PLA2G4A: variants seen among roughly 807,000 people sequenced by gnomAD.
PLA2G4A encodes cytosolic phospholipase A2.
PLA2G4A carries 40 observed loss-of-function variants against 81.9 expected under a neutral mutation model. That is an observed-to-expected ratio of 0.49 (90% CI 0.38 to 0.64). The LOEUF (loss-of-function observed/expected upper bound fraction) is 0.64, where lower values mean the gene tolerates loss of function less well. Among genes scored for constraint, PLA2G4A ranks in the 30% least tolerant of loss-of-function variants. PLA2G4A has a pLI of 0.00. For missense variants in PLA2G4A, 715 were observed against 905.1 expected (o/e 0.79, Z 2.69); for synonymous variants, 302 against 296.9 (o/e 1.02, Z -0.18).
chr1:186,833,554 T>C (rs1163121600), intron 1 of PLA2G4A, among the ~76,000 whole-genome samples: 1 of 152,178 alleles, frequency 6.6e-6, no homozygotes, highest in Non-Finnish European at 1.5e-5. Flanking sequence ...TCTGGAGTTC[T>C]TTCCAAAGAA....
intron 8 of PLA2G4A, among the ~76,000 whole-genome samples, chr1:186,937,956 C>T (rs1474378859): frequency 6.6e-6 from 1 of 151,980 alleles, no homozygotes; most frequent in Admixed American, 6.6e-5. Context: ...TTAGTTTTCT[C>T]CCCTCGAAGG....
At chr1:186,941,156 G>T (rs993237517) in intron 10 of PLA2G4A, among the ~76,000 whole-genome samples, 9 of 151,690 alleles carry the variant, frequency 5.9e-5, no homozygotes, top group Non-Finnish European at 8.8e-5. Context: ...CTTTTGGGGG[G>T]GCCTCTGTCA....
At chr1:186,883,358 A>C (rs1197581792) in intron 3 of PLA2G4A, among the ~76,000 whole-genome samples, 3 of 152,104 alleles carry the variant, frequency 2.0e-5, no homozygotes, top group Non-Finnish European at 4.4e-5. Flanking sequence ...TGTAGCCTTG[A>C]GGATATGAAG....
At chr1:186,912,791 T>TAC (rs1655006774) in intron 7 of PLA2G4A, among the ~76,000 whole-genome samples, 1 of 130,488 alleles carries the variant, frequency 7.7e-6, no homozygotes, top group African/African-American at 3.4e-5. Flanking sequence ...TACTTATATA[T>TAC]ATATGTATAT....
At chr1:186,882,124 A>T (rs1166621546) in intron 3 of PLA2G4A, among the ~76,000 whole-genome samples, 1 of 152,146 alleles carries the variant, frequency 6.6e-6, no homozygotes, top group East Asian at 1.9e-4. Flanking sequence ...TTCACCTCTG[A>T]TGGAAATAAT....
chr1:186,895,450 A>G (rs921594407), intron 5 of PLA2G4A, among the ~76,000 whole-genome samples: 1 of 152,158 alleles, frequency 6.6e-6, no homozygotes, highest in African/African-American at 2.4e-5. Context: ...TTTTAAAGCT[A>G]TTTCATTCAT....
intron 10 of PLA2G4A, among the ~76,000 whole-genome samples, chr1:186,944,698 T>C (rs1656275963): frequency 6.6e-6 from 1 of 152,160 alleles, no homozygotes; most frequent in African/African-American, 2.4e-5. Flanking sequence ...ACAATAAATA[T>C]AGATCCACAA....
chr1:186,846,240 G>A (rs998667480), intron 1 of PLA2G4A, among the ~76,000 whole-genome samples: 5 of 152,054 alleles, frequency 3.3e-5, no homozygotes, highest in African/African-American at 1.2e-4. Context: ...AAGAAAGGAC[G>A]GCTGCCTATT....
chr1:186,940,187 T>C (rs1281456372), intron 10 of PLA2G4A, 93 bp downstream of exon 10: 11 of 768,614 alleles, frequency 1.4e-5, no homozygotes, highest in African/African-American at 1.7e-5. Context: ...GCAATTTCAG[T>C]TGTTTATTTT....
chr1:186,988,650 A>AACTT lies in PLA2G4A; in HGVS notation c.*142_*143insACTT. 2 of 697,842 alleles carry AACTT rather than the reference A, an allele frequency of 2.9e-6. No individual in the cohort carries two copies. Among genetic ancestry groups the AACTT allele is most frequent in the Non-Finnish European group, 5.2e-6 (2 of 382,666 alleles). 43.2% of individuals were successfully genotyped at this position (697,842 alleles called of 1,614,324 possible). On this transcript the variant is annotated 3_prime_UTR_variant, in exon 18 of 18. Transcript: ENST00000367466. Reference sequence around the variant, plus strand: ...CTCAAAGTTGCAGTTACTTAGCTGCATGAGAATAATACTATTATAAGTTAG... The same window carrying AACTT: ...CTCAAAGTTGCAGTTACTTAGCTGCAACTTTGAGAATAATACTATTATAAGTTAG...
intron 5 of PLA2G4A, among the ~76,000 whole-genome samples, chr1:186,894,817 A>G (rs181177914): frequency 4.2e-4 from 64 of 152,346 alleles, no homozygotes; most frequent in African/African-American, 8.7e-4. Context: ...AACCTTAGGT[A>G]AATAATTTTG....
chr1:186,838,096 C>T (rs1651853054), intron 1 of PLA2G4A, among the ~76,000 whole-genome samples: 1 of 152,072 alleles, frequency 6.6e-6, no homozygotes, highest in South Asian at 2.1e-4. Flanking sequence ...AATAAAGTGA[C>T]TTTTTCCGGT....
chr1:186,974,203 A>G (rs1349615157), intron 15 of PLA2G4A, among the ~76,000 whole-genome samples: 1 of 152,166 alleles, frequency 6.6e-6, no homozygotes. Flanking sequence ...TACAAATAAC[A>G]TTTATTTACA....
At chr1:186,944,827 G>T (rs551357581) in intron 10 of PLA2G4A, among the ~76,000 whole-genome samples, 1 of 152,042 alleles carries the variant, frequency 6.6e-6, no homozygotes, top group Admixed American at 6.6e-5. Flanking sequence ...TATAATCAGT[G>T]ATATTTCTCC....
intron 6 of PLA2G4A, among the ~76,000 whole-genome samples, chr1:186,909,059 T>C (rs1277578432): frequency 4.2e-5 from 6 of 143,218 alleles, no homozygotes; most frequent in South Asian, 2.3e-4. Context: ...CTGCAAGCTC[T>C]GCCTCCCAGG....
chr1:186,940,609 A>T (rs1392074171), intron 10 of PLA2G4A, among the ~76,000 whole-genome samples: 1 of 152,162 alleles, frequency 6.6e-6, no homozygotes, highest in African/African-American at 2.4e-5. Context: ...ACTTTAAATC[A>T]TCTCTAGGTT....
intron 17 of PLA2G4A, 76 bp downstream of exon 17, chr1:186,979,548 T>A: frequency 1.0e-6 from 1 of 958,222 alleles, no homozygotes; most frequent in Admixed American, 1.9e-5. Context: ...CTCTTTTCAA[T>A]TAAAAATAAA....
chr1:186,986,638 A>G (rs761109543), intron 17 of PLA2G4A, among the ~76,000 whole-genome samples: 15 of 152,360 alleles, frequency 9.8e-5, no homozygotes, highest in African/African-American at 3.4e-4. Context: ...ACATATTGTC[A>G]GTTTAAAAAT....
At chr1:186,871,533 G>A (rs780674189) in intron 3 of PLA2G4A, among the ~76,000 whole-genome samples, 3 of 152,120 alleles carry the variant, frequency 2.0e-5, no homozygotes, top group Non-Finnish European at 4.4e-5. Context: ...GTACCTAAAG[G>A]AGAAGTATCT....
Sources: allele counts gnomAD v4.1 joint callset (sites outside exome capture counted in the v4.1 genomes callset), GRCh38; gene constraint gnomAD v4.1.1; transcripts MANE v1.5; gene names NCBI Gene and HGNC (gene_info 2026-07-23, HGNC 2026-07-21).